Variants in AGAP1 observed in about 807,000 individuals in gnomAD.
AGAP1 encodes the protein ArfGAP with GTPase domain, ankyrin repeat and PH domain 1, also known as arf-GAP with GTPase, ANK repeat and PH domain-containing protein 1.
Under a neutral mutation model 105.3 loss-of-function variants are expected in AGAP1, and 29 were observed. That is an observed-to-expected ratio of 0.28 (90% CI 0.21 to 0.38). AGAP1 has a LOEUF of 0.38. AGAP1 is among the 10% of genes least tolerant of loss of function. AGAP1 has a pLI of 1.00. For missense variants in AGAP1, 998 were observed against 1,165.1 expected, an observed-to-expected ratio of 0.86 and a Z score of 2.09; for synonymous variants, 509 against 485.9, an observed-to-expected ratio of 1.05 and a Z score of -0.63.
At chr2:235,718,312 TA>T in intron 3 of AGAP1, 1 of 952,616 alleles carries the variant, frequency 1.0e-6, no homozygotes, top group Non-Finnish European at 1.3e-6. Flanking sequence ...GTAACTTTGT[TA>T]AATCCAACTC....
chr2:236,097,585 G>T (rs2059224378), intron 16 of AGAP1, among the ~76,000 whole-genome samples: 1 of 151,616 alleles, frequency 6.6e-6, no homozygotes, highest in South Asian at 2.1e-4. Context: ...TAGAGATGGG[G>T]TTTCACCATG....
intron 12 of AGAP1, among the ~76,000 whole-genome samples, chr2:235,932,185 C>T (rs1353286999): frequency 4.6e-5 from 7 of 152,226 alleles, no homozygotes; most frequent in Admixed American, 1.3e-4. Context: ...AGCCTTTCAT[C>T]AGCCCTGTGT....
intron 1 of AGAP1, among the ~76,000 whole-genome samples, chr2:235,653,261 C>G (rs528382290): frequency 2.6e-5 from 4 of 151,936 alleles, no homozygotes; most frequent in African/African-American, 7.3e-5. Flanking sequence ...GTCAGGAGAT[C>G]GAGACCATCC....
rs1174971553 is a variant in AGAP1, at chr2:235,664,299, C to T, written c.164-44880C>T. Among the ~76,000 whole-genome samples the T allele has an allele frequency of 1.3e-5, 2 of 151,988 alleles. No individual in the cohort carries two copies. The highest frequency in any genetic ancestry group is 1.3e-4 in the Admixed American group (2 of 15,244). On this transcript the variant is annotated intron_variant, in intron 1 of 17. Transcript: ENST00000304032. The surrounding 1 kb of genome is among the most constrained non-coding windows in gnomAD (Gnocchi z 5.7). ...TGATCTCAGCTCCCTGCAACCTCTGCCTCCTGGGTTCAAGCGATTTCCCTA... is the reference window on the plus strand; with the variant it reads ...TGATCTCAGCTCCCTGCAACCTCTGTCTCCTGGGTTCAAGCGATTTCCCTA...
At position 236,090,168 on chromosome 2, in the gene AGAP1, G is replaced by A. The variant is rs1308475800; in HGVS notation, c.2115-30024G>A. ...CCTCACCCCTCTGTCACCATTGTGGGCTCCAGCTGCACAGGCTGGGGATGG... is the reference window on the plus strand; with the variant it reads ...CCTCACCCCTCTGTCACCATTGTGGACTCCAGCTGCACAGGCTGGGGATGG... On this transcript the variant is annotated intron_variant, in intron 16 of 17. Transcript: ENST00000304032. This position sits in a 1 kb window ranked among gnomAD's most constrained non-coding sequence, Gnocchi z 4.3. Among the ~76,000 whole-genome samples the A allele has an allele frequency of 6.6e-6, 1 of 152,294 alleles. No homozygotes were observed. Among genetic ancestry groups the A allele is most frequent in the East Asian group, 1.9e-4 (1 of 5,182 alleles).
In AGAP1 at chr2:235,961,454, A is replaced by G. The variant is rs1460436415; in HGVS notation, c.1484-7008A>G. Among the ~76,000 whole-genome samples, 2 of 152,352 alleles carry G rather than the reference A, an allele frequency of 1.3e-5. No homozygotes were observed. Among genetic ancestry groups the G allele is most frequent in the Non-Finnish European group, 2.9e-5 (2 of 68,040 alleles). ...CTGCAGGGTGCCGCCGGCCCCAGCA[A>G]GGACACACCAGTGGTTGGTGGGATG... On this transcript the variant is annotated intron_variant, in intron 12 of 17. Coordinates refer to ENST00000304032, the MANE Select transcript of AGAP1 (RefSeq NM_001037131.3). The surrounding 1 kb of genome is among the most constrained non-coding windows in gnomAD (Gnocchi z 5.9).
Position 236,119,601 on chromosome 2 carries a change from C to T in AGAP1, c.2115-591C>T, listed in dbSNP as rs2059853008. ...CCCCCACCCCCGGCCCAGCTCCAGC[C>T]AAGTGTCCTATAGCCCTCACTTACA... On this transcript the variant is annotated intron_variant, in intron 16 of 17. Coordinates refer to ENST00000304032, the MANE Select transcript of AGAP1 (RefSeq NM_001037131.3). This position sits in a 1 kb window ranked among gnomAD's most constrained non-coding sequence, Gnocchi z 6.6. 6.7e-6 allele frequency among the ~76,000 whole-genome samples: 1 copy of T among 149,482 alleles called. No individual in the cohort carries two copies. Among genetic ancestry groups the T allele is most frequent in the African/African-American group, 2.5e-5 (1 of 40,582 alleles).
chr2:236,088,696 C>T (rs373041945), intron 16 of AGAP1, among the ~76,000 whole-genome samples: 23 of 152,172 alleles, frequency 1.5e-4, no homozygotes, highest in Admixed American at 7.9e-4. Flanking sequence ...AAGTCCAGAG[C>T]GGTCTACATA....
At chr2:235,869,487 G>C (rs2049336896) in intron 9 of AGAP1, among the ~76,000 whole-genome samples, 1 of 145,126 alleles carries the variant, frequency 6.9e-6, no homozygotes, top group South Asian at 2.3e-4. Flanking sequence ...TGTAATCCCA[G>C]CTACTCAGGA....
chr2:235,568,905 G>C (rs1205594799), intron 1 of AGAP1, among the ~76,000 whole-genome samples: 1 of 143,512 alleles, frequency 7.0e-6, no homozygotes, highest in African/African-American at 2.6e-5. Context: ...TTGTCCCCTA[G>C]CTTTACTGCT....
At position 235,883,123 on chromosome 2, in the gene AGAP1, C is replaced by T. The variant is rs1327927098; in HGVS notation, c.1051-222C>T. On this transcript the variant is annotated intron_variant, in intron 9 of 17. Transcript: ENST00000304032. This position sits in a 1 kb window ranked among gnomAD's most constrained non-coding sequence, Gnocchi z 4.5. Reference sequence around the variant, plus strand: ...AAAACATTATACCTTTAGGTGTTTCCTGTGTGTTTAGCAGTTAATTATCCA... The same window carrying T: ...AAAACATTATACCTTTAGGTGTTTCTTGTGTGTTTAGCAGTTAATTATCCA... Among the ~76,000 whole-genome samples, 1 of 152,032 alleles carries T rather than the reference C, an allele frequency of 6.6e-6. No homozygotes were observed. The highest frequency in any genetic ancestry group is 2.4e-5 in the African/African-American group (1 of 41,398).
At chr2:236,064,961 G>A (rs2058306295) in intron 16 of AGAP1, among the ~76,000 whole-genome samples, 2 of 152,244 alleles carry the variant, frequency 1.3e-5, no homozygotes, top group South Asian at 4.1e-4. Flanking sequence ...CTTTTTCATT[G>A]TTTTCTTTCC....
intron 1 of AGAP1, among the ~76,000 whole-genome samples, chr2:235,684,387 C>T (rs1002978644): frequency 6.6e-6 from 1 of 152,122 alleles, no homozygotes; most frequent in Non-Finnish European, 1.5e-5. Context: ...CCATCGTGGC[C>T]TGGTGAAGGA....
Position 235,623,141 on chromosome 2 carries a change from T to C in AGAP1, c.164-86038T>C, listed in dbSNP as rs562176785. 7.2e-5 allele frequency among the ~76,000 whole-genome samples: 11 copies of C among 152,358 alleles called. No individual in the cohort carries two copies. The East Asian group carries it at 2.1e-3, about 29-fold the overall frequency. On this transcript the variant is annotated intron_variant, in intron 1 of 17. Coordinates refer to ENST00000304032, the MANE Select transcript of AGAP1 (RefSeq NM_001037131.3). The surrounding 1 kb of genome is among the most constrained non-coding windows in gnomAD (Gnocchi z 4.5). ...GTTCTCCAGGCTGCTACAGCTATGA[T>C]ATTTTAAAATCAATGGGCCTTTCCT...
chr2:235,900,597 C>T lies in AGAP1; in HGVS notation c.1156-8141C>T, dbSNP rs2051021003. Among the ~76,000 whole-genome samples, 2 of 152,166 alleles carry T rather than the reference C, an allele frequency of 1.3e-5. No individual in the cohort carries two copies. The highest frequency in any genetic ancestry group is 4.8e-5 in the African/African-American group (2 of 41,452). ...CCATATATTGGACACTGATTCAGAG[C>T]ATACACAGCCTTCTGGAGAACTTTG... is the stretch of plus-strand genomic sequence containing the variant. On this transcript the variant is annotated intron_variant, in intron 10 of 17. Transcript: ENST00000304032. This position sits in a 1 kb window ranked among gnomAD's most constrained non-coding sequence, Gnocchi z 5.5.
At position 235,741,602 on chromosome 2, in the gene AGAP1, TAAC is replaced by T. The variant is rs1409435936; in HGVS notation, c.396+557_396+559del. Among the ~76,000 whole-genome samples, 1 of 152,202 alleles carries T rather than the reference TAAC, an allele frequency of 6.6e-6. No homozygotes were observed. Among genetic ancestry groups the T allele is most frequent in the African/African-American group, 2.4e-5 (1 of 41,460 alleles). ...CCTGGAAAGATGGTCATTCTGGAAA[TAAC>T]AAAACATGAGTGTGGAAGATCTCTT... On this transcript the variant is annotated intron_variant, in intron 4 of 17. Coordinates refer to ENST00000304032, the MANE Select transcript of AGAP1 (RefSeq NM_001037131.3). This position sits in a 1 kb window ranked among gnomAD's most constrained non-coding sequence, Gnocchi z 4.9.
chr2:236,026,532 C>T (rs906424003), intron 13 of AGAP1, among the ~76,000 whole-genome samples: 2 of 152,202 alleles, frequency 1.3e-5, no homozygotes, highest in South Asian at 4.1e-4. Flanking sequence ...AGTTCGAGAC[C>T]AGCCTGGCCA....
chr2:235,762,940 CAA>C (rs1954577780), intron 6 of AGAP1, among the ~76,000 whole-genome samples: 2 of 151,908 alleles, frequency 1.3e-5, no homozygotes, highest in Admixed American at 1.3e-4. Flanking sequence ...TGAAATTTGC[CAA>C]AGAGAAGAAA....
chr2:235,710,238 G>A (rs948429099), intron 2 of AGAP1, among the ~76,000 whole-genome samples: 2 of 152,232 alleles, frequency 1.3e-5, no homozygotes, highest in East Asian at 3.8e-4. Flanking sequence ...AGGGCCAGGA[G>A]ACAGGATCCT....
Sources: allele counts gnomAD v4.1 joint callset (sites outside exome capture counted in the v4.1 genomes callset), GRCh38; gene constraint gnomAD v4.1.1; non-coding constraint Gnocchi (gnomAD v3.1); transcripts MANE v1.5; gene names NCBI Gene and HGNC (gene_info 2026-07-23, HGNC 2026-07-21).